CAMKK2: variants seen among roughly 807,000 people sequenced by gnomAD.
The protein encoded by CAMKK2 is calcium/calmodulin dependent protein kinase kinase 2, also known as calcium/calmodulin-dependent protein kinase kinase 2.
CAMKK2 carries 30 observed loss-of-function variants against 67.2 expected under a neutral mutation model. The ratio of observed to expected loss-of-function variants is 0.45; its 90% CI spans 0.33 to 0.61. The LOEUF is 0.61. Ranked by LOEUF, CAMKK2 falls within the 20% of genes least tolerant of loss-of-function variation. The pLI, the probability that CAMKK2 is intolerant of heterozygous loss-of-function variation, is 0.02. For missense variants in CAMKK2, 643 were observed against 802.0 expected (o/e 0.80, Z 2.39); for synonymous variants, 322 against 326.2 (o/e 0.99, Z 0.14).
chr12:121,255,264 TTA>T lies in CAMKK2; in HGVS notation c.907+284_907+285del, dbSNP rs1180746884. On this transcript the variant is annotated intron_variant, in intron 9 of 16. Coordinates refer to ENST00000404169, the MANE Select transcript of CAMKK2 (RefSeq NM_001270485.2). ...TATATATATAATTATATATATAATT[TTA>T]TATATATATAATTATATATATAATT... Among the ~76,000 whole-genome samples the T allele has an allele frequency of 5.2e-3, 43 of 8,264 alleles. 1 individual carries two copies. The highest frequency in any genetic ancestry group is 1.0e-2 in the Admixed American group (4 of 402). The allele number at this position is 8,264 out of a possible 152,430, so 5.4% of individuals were successfully genotyped here. A position where few individuals can be genotyped will look rare whatever the true frequency, so the allele number is the denominator to read the frequency against.
At chr12:121,247,947 G>T (rs1391832187) in intron 14 of CAMKK2, among the ~76,000 whole-genome samples, 1 of 152,184 alleles carries the variant, frequency 6.6e-6, no homozygotes, top group Non-Finnish European at 1.5e-5. Flanking sequence ...CAAGCCTGCT[G>T]CCTGGAACCT....
At chr12:121,281,324 C>A (rs1260373029) in intron 1 of CAMKK2, among the ~76,000 whole-genome samples, 1 of 152,246 alleles carries the variant, frequency 6.6e-6, no homozygotes, top group Non-Finnish European at 1.5e-5. Context: ...AGCCCGGACA[C>A]ACCTGTGCAG....
At chr12:121,283,814 CTAAA>C (rs111580860) in intron 1 of CAMKK2, among the ~76,000 whole-genome samples, 6,909 of 151,530 alleles carry the variant, frequency 0.046, 485 homozygotes, top group African/African-American at 0.16. Context: ...GATCCTTTCG[CTAAA>C]TAAATAAATA....
chr12:121,268,099 T>TATATATATATATATATAC (rs755449965), intron 5 of CAMKK2, among the ~76,000 whole-genome samples: 11 of 143,468 alleles, frequency 7.7e-5, no homozygotes, highest in South Asian at 4.5e-4. Flanking sequence ...TATATATATA[T>TATATATATATATATATAC]ACTCTATTCA....
At position 121,253,488 on chromosome 12, in the gene CAMKK2, C is replaced by G; in HGVS notation, c.908-16G>C. ...TGGTAGTGTACTGGGGAGGCGTAGA[C>G]AGCAGGTGGGAGATAGGGGCAGGAA... On this transcript the variant is annotated splice_polypyrimidine_tract_variant and intron_variant, in intron 9 of 16. Coordinates refer to ENST00000404169, the MANE Select transcript of CAMKK2 (RefSeq NM_001270485.2). The surrounding 1 kb of genome is among the most constrained non-coding windows in gnomAD (Gnocchi z 5.0). The G allele has an allele frequency of 6.2e-7, 1 of 1,612,694 alleles. No individual in the cohort carries two copies. The highest frequency in any genetic ancestry group is 8.5e-7 in the Non-Finnish European group (1 of 1,178,734).
intron 7 of CAMKK2, among the ~76,000 whole-genome samples, chr12:121,257,948 C>T (rs1316458673): frequency 6.6e-6 from 1 of 151,784 alleles, no homozygotes; most frequent in Non-Finnish European, 1.5e-5. Flanking sequence ...CAGTCGCTAA[C>T]AGTTCAACCA....
chr12:121,273,991 C>A lies in CAMKK2; in HGVS notation c.471+65G>T, dbSNP rs1896278903. 17 of 1,220,848 alleles carry A rather than the reference C, an allele frequency of 1.4e-5. No homozygotes were observed. In the South Asian group the frequency reaches 2.8e-4, roughly 20 times the overall value. 75.6% of individuals were successfully genotyped at this position (1,220,848 alleles called of 1,614,324 possible). A position where few individuals can be genotyped will look rare whatever the true frequency, so the allele number is the denominator to read the frequency against. ...GGGGGAGCCCAACCTTCCACAGAGG[C>A]CCTGCTGGGGGCAGGGAAGGGCACC... On this transcript the variant is annotated intron_variant, in intron 2 of 16. Transcript: ENST00000404169.
At chr12:121,244,984 G>T (rs530357661) in intron 15 of CAMKK2, among the ~76,000 whole-genome samples, 156 bp downstream of exon 15, 2 of 152,354 alleles carry the variant, frequency 1.3e-5, no homozygotes, top group African/African-American at 4.8e-5. Flanking sequence ...CCAGGTTGGG[G>T]TGCTGACTGT....
intron 1 of CAMKK2, among the ~76,000 whole-genome samples, chr12:121,290,623 G>T (rs1197981372): frequency 6.6e-6 from 1 of 152,170 alleles, no homozygotes; most frequent in African/African-American, 2.4e-5. Context: ...CTGGGAGGTT[G>T]AGGCTACGGT....
At chr12:121,255,318 A>AAT (rs1891910143) in intron 9 of CAMKK2, among the ~76,000 whole-genome samples, 2 of 19,520 alleles carry the variant, frequency 1.0e-4, no homozygotes, top group East Asian at 1.2e-3. Context: ...ATATAATTTT[A>AAT]TATATATATA....
In CAMKK2 at chr12:121,253,295, G is replaced by A. The variant is rs150578614; in HGVS notation, c.1085C>T (p.Thr362Ile). 4 of 1,614,088 alleles carry A rather than the reference G, an allele frequency of 2.5e-6. No individual in the cohort carries two copies. In the African/African-American group the frequency reaches 4.0e-5, roughly 16 times the overall value. ...TACCTTCCCAGAGAAGATCTTGCGG[G>A]TCTCAGAGAGCGACTCGGGTGCCAT... is the stretch of plus-strand genomic sequence containing the variant. ...AFMAPESLSE[T>I]RKIFSGKALD... The change falls in exon 10 of 17, where the codon ACC (threonine) becomes ATC (isoleucine). Residue 362 changes from threonine (T) to isoleucine (I), a missense_variant. Around this residue, in one of 3 missense-constraint regions of CAMKK2, gnomAD observed 483 missense variants for 625.8 expected, o/e 0.77. Coordinates refer to ENST00000404169, the MANE Select transcript of CAMKK2 (RefSeq NM_001270485.2). The surrounding 1 kb of genome is among the most constrained non-coding windows in gnomAD (Gnocchi z 5.0).
At position 121,248,620 on chromosome 12, in the gene CAMKK2, T is replaced by G; in HGVS notation, c.1438A>C (p.Ser480Arg). The change falls in exon 14 of 17, where the codon AGC becomes CGC. Residue 480 changes from serine (S) to arginine (R), a missense_variant. By Grantham distance (110) the Ser-to-Arg change is moderately radical (BLOSUM62 -1). Coordinates refer to ENST00000404169, the MANE Select transcript of CAMKK2 (RefSeq NM_001270485.2). ...ATCCACCTTACCACGGTTGCCAAGC[T>G]GGGAATGTGTTTGACTGAGTTCTCG... ...EVENSVKHIP[S>R]LATVILVKTM... 1 of 1,614,190 alleles carries G rather than the reference T, an allele frequency of 6.2e-7. No homozygotes were observed. Among genetic ancestry groups the G allele is most frequent in the Non-Finnish European group, 8.5e-7 (1 of 1,180,012 alleles).
intron 1 of CAMKK2, among the ~76,000 whole-genome samples, chr12:121,291,035 G>C (rs1347077394): frequency 2.0e-5 from 3 of 152,158 alleles, no homozygotes; most frequent in Non-Finnish European, 4.4e-5. Flanking sequence ...GGCCAGACTG[G>C]TCTTGAACTC....
rs761769432 is a variant in CAMKK2 at position 121,248,645 on chromosome 12, G to C, written c.1413C>G (p.Val471=). 1 of 1,614,188 alleles carries C rather than the reference G, an allele frequency of 6.2e-7. No homozygotes were observed. The highest frequency in any genetic ancestry group is 1.7e-5 in the Admixed American group (1 of 60,028). The stretch of plus-strand genomic sequence containing the variant: ...TGGGAATGTGTTTGACTGAGTTCTC[G>C]ACCTCCTCTTCAGTCACTTCGACCA... The part of the protein sequence containing the change: ...CTLVEVTEEE[V]ENSVKHIPSL... The change falls in exon 14 of 17, where the codon GTC becomes GTG. Residue 471 remains valine, a synonymous_variant. Coordinates refer to ENST00000404169, the MANE Select transcript of CAMKK2 (RefSeq NM_001270485.2).
chr12:121,259,141 C>A (rs921285223), intron 7 of CAMKK2, among the ~76,000 whole-genome samples: 8 of 152,178 alleles, frequency 5.3e-5, no homozygotes, highest in Admixed American at 4.6e-4. Context: ...TGTGCCCGAT[C>A]CAAGTTCTTT....
At chr12:121,260,452 C>T (rs764733356) in intron 6 of CAMKK2, 97 bp from the exon 7 acceptor site, 4 of 1,099,178 alleles carry the variant, frequency 3.6e-6, no homozygotes, top group East Asian at 2.4e-5. Flanking sequence ...CACGTGGCTG[C>T]GTTTGCCAAC....
At chr12:121,246,361 C>T (rs1190198966) in intron 14 of CAMKK2, among the ~76,000 whole-genome samples, 1 of 151,626 alleles carries the variant, frequency 6.6e-6, no homozygotes, top group Non-Finnish European at 1.5e-5. Flanking sequence ...GCCTGGCCAG[C>T]ATGGAGAAAC....
At position 121,253,196 on chromosome 12, in the gene CAMKK2, G is replaced by T. The variant is rs139575371; in HGVS notation, c.1107+77C>A. The T allele has an allele frequency of 2.3e-6, 3 of 1,294,228 alleles. No individual in the cohort carries two copies. Among genetic ancestry groups the T allele is most frequent in the African/African-American group, 2.9e-5 (2 of 68,252 alleles). 80.2% of individuals were successfully genotyped at this position (1,294,228 alleles called of 1,614,324 possible). On this transcript the variant is annotated intron_variant, in intron 10 of 16. Coordinates refer to ENST00000404169, the MANE Select transcript of CAMKK2 (RefSeq NM_001270485.2). This position sits in a 1 kb window ranked among gnomAD's most constrained non-coding sequence, Gnocchi z 5.0. Reference sequence around the variant, plus strand: ...GGATTCACTGTTTAAGCCTGTGTGCGTTGGGTTTCTGCTGCTTACAATCCA... The same window carrying T: ...GGATTCACTGTTTAAGCCTGTGTGCTTTGGGTTTCTGCTGCTTACAATCCA...
rs201318802 is a variant in CAMKK2, at chr12:121,249,836, C to T, written c.1274G>A (p.Arg425His). The part of the protein sequence containing the change: ...IAEDLKDLIT[R>H]MLDKNPESRI... ...CGACTCGGGGTTCTTGTCCAGCATACGGGTGATCAGGTCCTTCAAGTCCTC... is the reference window on the plus strand; with the variant it reads ...CGACTCGGGGTTCTTGTCCAGCATATGGGTGATCAGGTCCTTCAAGTCCTC... Residue 425 changes from arginine to histidine, a missense_variant, in exon 13 of 17, where the codon CGT becomes CAT. Arg to His is a conservative substitution (Grantham distance 29). Coordinates refer to ENST00000404169, the MANE Select transcript of CAMKK2 (RefSeq NM_001270485.2). 1.6e-5 allele frequency: 26 copies of T among 1,614,130 alleles called. 1 individual carries two copies. The highest frequency in any genetic ancestry group is 4.5e-5 in the East Asian group (2 of 44,884).
Sources: allele counts gnomAD v4.1 joint callset (sites outside exome capture counted in the v4.1 genomes callset), GRCh38; gene constraint gnomAD v4.1.1; regional missense constraint gnomAD v4.1.1; non-coding constraint Gnocchi (gnomAD v3.1); transcripts MANE v1.5; gene names NCBI Gene and HGNC (gene_info 2026-07-23, HGNC 2026-07-21).